The following DMD variants were observed in gnomAD, a reference collection of about 807,000 sequenced individuals.
DMD encodes mutant dystrophin.
In DMD, 63 loss-of-function variants were observed where a neutral mutation model predicts 330.1. The ratio of observed to expected loss-of-function variants is 0.19; its 90% confidence interval spans 0.16 to 0.24. DMD has a LOEUF of 0.24. Ranked by LOEUF, DMD falls within the 10% of genes least tolerant of loss-of-function variation. The pLI, the probability that DMD is intolerant of heterozygous loss-of-function variation, is 1.00. For synonymous variants in DMD, 1,223 were observed against 959.8 expected, an observed-to-expected ratio of 1.27 and a Z score of -5.07; for missense variants, 3,344 against 2,684.1, an observed-to-expected ratio of 1.25 and a Z score of -5.43.
At chrX:31,242,262 C>CAAA (rs72176984) in intron 63 of DMD, among the ~76,000 whole-genome samples, 1,971 of 24,617 alleles carry the variant, frequency 0.08, 371 homozygotes, top group Non-Finnish European at 0.091. Flanking sequence ...TCTCAAAAAG[C>CAAA]AAAAAAAAAA....
At chrX:33,081,711 A>C (rs183549021) in intron 1 of DMD, among the ~76,000 whole-genome samples, 14 of 111,907 alleles carry the variant, frequency 1.3e-4, no homozygotes, top group Non-Finnish European at 2.1e-4. Flanking sequence ...CTTCCGGGTG[A>C]CCAAAAGCAT....
intron 9 of DMD, among the ~76,000 whole-genome samples, chrX:32,680,893 G>T (rs1339480703): frequency 9.0e-6 from 1 of 111,299 alleles, no homozygotes; most frequent in South Asian, 3.8e-4. Flanking sequence ...GGGAGTGGGG[G>T]TAACAGTCCA....
chrX:32,189,005 T>C (rs1229728034), intron 44 of DMD, among the ~76,000 whole-genome samples: 1 of 111,076 alleles, frequency 9.0e-6, no homozygotes, highest in Non-Finnish European at 1.9e-5. Flanking sequence ...CCTTAATTTA[T>C]ACATTGTCAT....
intron 74 of DMD, among the ~76,000 whole-genome samples, chrX:31,159,785 A>T (rs2038591861): frequency 8.9e-6 from 1 of 112,268 alleles, no homozygotes; most frequent in Admixed American, 9.4e-5. Context: ...CTAAGCACCA[A>T]GCCACACGAG....
At chrX:31,878,896 T>C (rs771898691) in intron 47 of DMD, among the ~76,000 whole-genome samples, 104 of 111,930 alleles carry the variant, frequency 9.3e-4, no homozygotes, top group Non-Finnish European at 1.4e-3. Flanking sequence ...ACGTGGCTGG[T>C]GGGAAGTATA....
intron 16 of DMD, among the ~76,000 whole-genome samples, chrX:32,558,942 T>TTTTTTTTTTTTTTTC (rs2050653048): frequency 1.7e-4 from 5 of 29,492 alleles, no homozygotes; most frequent in Admixed American, 5.8e-4. Context: ...AATTTTCTTT[T>TTTTTTTTTTTTTTTC]TTTTTTTTTT....
At chrX:33,077,837 A>G (rs1179126656) in intron 1 of DMD, among the ~76,000 whole-genome samples, 1 of 112,486 alleles carries the variant, frequency 8.9e-6, no homozygotes, top group Non-Finnish European at 1.9e-5. Context: ...ATAGTTTACT[A>G]TAGATTTTCT....
At chrX:31,281,597 G>A (rs2052616327) in intron 62 of DMD, among the ~76,000 whole-genome samples, 1 of 111,325 alleles carries the variant, frequency 9.0e-6, no homozygotes, top group African/African-American at 3.3e-5. Context: ...CTCCTTATAT[G>A]ACATCACCAA....
chrX:31,377,759 C>T (rs1569535292), intron 60 of DMD, among the ~76,000 whole-genome samples: 6 of 111,863 alleles, frequency 5.4e-5, no homozygotes. Flanking sequence ...CATCATATCC[C>T]CTGTGACCTG....
At chrX:32,538,500 C>T (rs920089596) in intron 17 of DMD, among the ~76,000 whole-genome samples, 1 of 110,847 alleles carries the variant, frequency 9.0e-6, no homozygotes, top group East Asian at 2.9e-4. Context: ...ACTCTCTTTT[C>T]AGACTCAGCC....
chrX:33,236,606 G>A (rs1005701713), intron 1 of DMD, among the ~76,000 whole-genome samples: 2 of 110,817 alleles, frequency 1.8e-5, no homozygotes, highest in Non-Finnish European at 3.8e-5. Flanking sequence ...GTGGGGTGTG[G>A]TGGGGAACAG....
chrX:31,448,321 TG>T (rs1314832236), intron 59 of DMD, among the ~76,000 whole-genome samples: 1 of 111,806 alleles, frequency 8.9e-6, no homozygotes. Flanking sequence ...GTCTTCACTT[TG>T]GCATTTGATT....
chrX:33,001,948 T>C (rs2093289616), intron 2 of DMD, among the ~76,000 whole-genome samples: 1 of 111,717 alleles, frequency 9.0e-6, no homozygotes, highest in South Asian at 3.7e-4. Context: ...CATTATACTT[T>C]AATACTAACA....
chrX:32,980,884 T>C (rs1602386940), intron 2 of DMD, among the ~76,000 whole-genome samples: 1 of 111,761 alleles, frequency 8.9e-6, no homozygotes, highest in Non-Finnish European at 1.9e-5. Flanking sequence ...TTATTATGTA[T>C]GTTTGCTAAT....
intron 43 of DMD, among the ~76,000 whole-genome samples, chrX:32,263,673 A>G (rs752495441): frequency 8.9e-6 from 1 of 111,965 alleles, no homozygotes; most frequent in African/African-American, 3.2e-5. Context: ...CTATCTAAAG[A>G]CATGAAACAC....
At chrX:33,003,400 G>GTT (rs2093330685) in intron 2 of DMD, among the ~76,000 whole-genome samples, 1 of 112,091 alleles carries the variant, frequency 8.9e-6, no homozygotes, top group Admixed American at 9.5e-5. Flanking sequence ...AAAATCTTGT[G>GTT]TATTTTGGGG....
intron 2 of DMD, among the ~76,000 whole-genome samples, chrX:33,015,571 T>G (rs1302372432): frequency 9.1e-6 from 1 of 110,325 alleles, no homozygotes; most frequent in African/African-American, 3.3e-5. Context: ...GTACTAGGCC[T>G]AATATCTGGG....
At chrX:33,245,263 A>AT (rs199935371) in intron 1 of DMD, among the ~76,000 whole-genome samples, 4,392 of 96,038 alleles carry the variant, frequency 0.046, 238 homozygotes, top group African/African-American at 0.14. Flanking sequence ...GTTAATGGCT[A>AT]TTTTTTCAGG....
chrX:31,644,509 T>C (rs1237608032), intron 54 of DMD, among the ~76,000 whole-genome samples: 1 of 111,866 alleles, frequency 8.9e-6, no homozygotes, highest in East Asian at 2.8e-4. Context: ...GGTGACTTCA[T>C]AGGTTAACTC....
Sources: gnomAD v4.1 joint callset for allele counts (sites outside exome capture counted in the v4.1 genomes callset) on GRCh38, gnomAD v4.1.1 for gene constraint, MANE v1.5 for transcripts, NCBI Gene and HGNC (gene_info 2026-07-23, HGNC 2026-07-21) for gene names.